The following SWT1 variants were observed in gnomAD, a reference collection of about 807,000 sequenced individuals.
SWT1 encodes SWT1 RNA endoribonuclease homolog.
SWT1 carries 33 observed loss-of-function variants against 107.3 expected under a neutral mutation model. The observed-to-expected ratio is 0.31, with a 90% CI of 0.23 to 0.41. The LOEUF is 0.41. SWT1 is among the 10% of genes least tolerant of loss of function. The pLI, the probability that SWT1 is intolerant of heterozygous loss-of-function variation, is 1.00. For missense variants in SWT1, 898 were observed against 1,028.9 expected (o/e 0.87, Z 1.74); for synonymous variants, 345 against 348.3 (o/e 0.99, Z 0.11).
At chr1:185,196,683 C>T (rs189652743) in intron 10 of SWT1, among the ~76,000 whole-genome samples, 162 of 152,176 alleles carry the variant, frequency 1.1e-3, no homozygotes, top group Non-Finnish European at 1.9e-3. Flanking sequence ...TGTAGTTCTT[C>T]TTAAAGAGGT....
chr1:185,204,624 A>G, intron 11 of SWT1, 76 bp from the exon 12 acceptor site: 1 of 671,806 alleles, frequency 1.5e-6, no homozygotes. Flanking sequence ...TTTACTGTTT[A>G]TGGCAATATA....
At chr1:185,159,820 G>A (rs1168315256) in intron 1 of SWT1, among the ~76,000 whole-genome samples, 1 of 152,094 alleles carries the variant, frequency 6.6e-6, no homozygotes, top group Non-Finnish European at 1.5e-5. Flanking sequence ...TGCCTCCCAG[G>A]TTCAAGCGAT....
At chr1:185,257,507 G>A (rs1488823949) in intron 16 of SWT1, among the ~76,000 whole-genome samples, 1 of 152,194 alleles carries the variant, frequency 6.6e-6, no homozygotes, top group Non-Finnish European at 1.5e-5. Context: ...AAGCCGGTCG[G>A]AAAAGCGCAG....
At chr1:185,285,710 A>G (rs1664907064) in intron 18 of SWT1, among the ~76,000 whole-genome samples, 1 of 152,134 alleles carries the variant, frequency 6.6e-6, no homozygotes, top group East Asian at 1.9e-4. Context: ...TAATTTTTGT[A>G]TATGATGTAA....
intron 16 of SWT1, among the ~76,000 whole-genome samples, chr1:185,259,763 C>CT (rs1410641143): frequency 6.6e-6 from 1 of 152,082 alleles, no homozygotes; most frequent in Non-Finnish European, 1.5e-5. Context: ...TCTTGAATCC[C>CT]TTTATCTGTT....
At chr1:185,272,816 G>A (rs1054349487) in intron 17 of SWT1, among the ~76,000 whole-genome samples, 1 of 151,884 alleles carries the variant, frequency 6.6e-6, no homozygotes, top group Admixed American at 6.6e-5. Flanking sequence ...TCAGTGGATC[G>A]CTTGAACCCA....
intron 16 of SWT1, chr1:185,251,236 C>T (rs796689871): frequency 4.3e-4 from 66 of 152,294 alleles, no homozygotes; most frequent in African/African-American, 1.5e-3. Context: ...TGCCACCTAA[C>T]TTCTTTCTGT....
At chr1:185,171,354 CTTGT>C (rs1430081089) in intron 4 of SWT1, 3 of 208,602 alleles carry the variant, frequency 1.4e-5, no homozygotes, top group South Asian at 7.9e-5. Flanking sequence ...TCTTCCTCCT[CTTGT>C]TTGTTCTGGT....
chr1:185,185,049 G>A (rs1656335595), intron 9 of SWT1, 118 bp downstream of exon 9: 8 of 665,550 alleles, frequency 1.2e-5, no homozygotes, highest in East Asian at 6.5e-5. Flanking sequence ...ATGTGAAATG[G>A]AAGGGGCATT....
intron 9 of SWT1, among the ~76,000 whole-genome samples, chr1:185,187,328 C>T (rs1384536967): frequency 6.6e-6 from 1 of 151,978 alleles, no homozygotes; most frequent in Non-Finnish European, 1.5e-5. Flanking sequence ...CCTCGGCTTA[C>T]AGGTGTGAGC....
At position 185,189,013 on chromosome 1, in the gene SWT1, C is replaced by T. The variant is rs1265246869; in HGVS notation, c.1430-1536C>T. ...ATTTTTTTAGAGACAAGGTCTCACCCTGTCACCCAGGCTGGAGTGCAGTGG... is the reference window on the plus strand; with the variant it reads ...ATTTTTTTAGAGACAAGGTCTCACCTTGTCACCCAGGCTGGAGTGCAGTGG... On this transcript the variant is annotated intron_variant, in intron 9 of 18. Coordinates refer to ENST00000367500, the MANE Select transcript of SWT1 (RefSeq NM_017673.7). Among the ~76,000 whole-genome samples, 3 of 152,206 alleles carry T rather than the reference C, an allele frequency of 2.0e-5. No homozygotes were observed. In the South Asian group the frequency reaches 6.2e-4, roughly 32 times the overall value.
chr1:185,216,122 C>G (rs1659197304), intron 14 of SWT1, among the ~76,000 whole-genome samples: 1 of 152,096 alleles, frequency 6.6e-6, no homozygotes, highest in South Asian at 2.1e-4. Flanking sequence ...ATACTTACTT[C>G]ATGGAGTAAA....
intron 18 of SWT1, among the ~76,000 whole-genome samples, chr1:185,285,101 A>C (rs1664871322): frequency 6.6e-6 from 1 of 151,878 alleles, no homozygotes; most frequent in Non-Finnish European, 1.5e-5. Context: ...TGACTAAGGT[A>C]TTTCTGTCTT....
intron 16 of SWT1, among the ~76,000 whole-genome samples, chr1:185,246,958 A>G (rs1661658083): frequency 6.6e-6 from 1 of 152,066 alleles, no homozygotes; most frequent in Non-Finnish European, 1.5e-5. Context: ...ATCTTCTAAG[A>G]TCATTTTTCT....
At chr1:185,180,329 G>A in intron 5 of SWT1, 62 bp from the exon 6 acceptor site, 3 of 1,354,634 alleles carry the variant, frequency 2.2e-6, no homozygotes, top group South Asian at 2.3e-5. Context: ...ATAGTGACAA[G>A]GTTGAAAAAC....
intron 14 of SWT1, among the ~76,000 whole-genome samples, chr1:185,218,850 T>C (rs571529563): frequency 2.0e-4 from 30 of 152,242 alleles, no homozygotes; most frequent in Non-Finnish European, 3.5e-4. Context: ...GTAAAATGAG[T>C]GTAATAATAA....
intron 4 of SWT1, among the ~76,000 whole-genome samples, chr1:185,170,954 T>A (rs1315786646): frequency 6.6e-6 from 1 of 152,194 alleles, no homozygotes; most frequent in East Asian, 1.9e-4. Flanking sequence ...TTTTAAGTAA[T>A]GAGAGAAGCC....
At chr1:185,245,089 G>A (rs900659976) in intron 16 of SWT1, among the ~76,000 whole-genome samples, 2 of 151,834 alleles carry the variant, frequency 1.3e-5, no homozygotes, top group African/African-American at 2.4e-5. Context: ...CTCTAAGAAC[G>A]ATTTTTTATA....
At chr1:185,237,203 A>G (rs149307324) in intron 16 of SWT1, among the ~76,000 whole-genome samples, 141 of 152,332 alleles carry the variant, frequency 9.3e-4, no homozygotes, top group African/African-American at 3.1e-3. Flanking sequence ...GTTCCTGGGT[A>G]TATATCCAAA....
Sources: allele counts gnomAD v4.1 joint callset (sites outside exome capture counted in the v4.1 genomes callset), GRCh38; gene constraint gnomAD v4.1.1; transcripts MANE v1.5; gene names NCBI Gene and HGNC (gene_info 2026-07-23, HGNC 2026-07-21).